The following TYW1B variants were observed in gnomAD, a reference collection of about 807,000 sequenced individuals.
TYW1B encodes tRNA-yW synthesizing protein 1 homolog B, also known as S-adenosyl-L-methionine-dependent tRNA 4-demethylwyosine synthase TYW1B.
In TYW1B, 73 loss-of-function variants were observed where a neutral mutation model predicts 86.9. The observed-to-expected ratio is 0.84, with a 90% CI of 0.70 to 1.02. TYW1B has a LOEUF of 1.02. Ranked by LOEUF, TYW1B falls within the 50% of genes least tolerant of loss-of-function variation. The probability of loss-of-function intolerance (pLI) is 0.00; values close to 1 mark genes in which losing one functional copy is unlikely to be tolerated. For synonymous variants in TYW1B, 248 were observed against 292.8 expected (o/e 0.85, Z 1.56); for missense variants, 637 against 827.4 (o/e 0.77, Z 2.82).
chr7:72,674,008 C>G (rs1346659027), intron 11 of TYW1B, among the ~76,000 whole-genome samples: 9 of 151,988 alleles, frequency 5.9e-5, no homozygotes, highest in African/African-American at 2.2e-4. Context: ...AGCAGAGAAA[C>G]CAGGAGGACT....
At chr7:72,752,537 T>C (rs1554465281) in intron 7 of TYW1B, among the ~76,000 whole-genome samples, 1 of 151,930 alleles carries the variant, frequency 6.6e-6, no homozygotes, top group Non-Finnish European at 1.5e-5. Flanking sequence ...TCGAGACCAC[T>C]CTGGCCAACA....
At chr7:72,737,787 C>CTTTT (rs34001923) in intron 8 of TYW1B, among the ~76,000 whole-genome samples, 5 of 138,862 alleles carry the variant, frequency 3.6e-5, no homozygotes, top group Non-Finnish European at 4.6e-5. Flanking sequence ...CATTTTACTT[C>CTTTT]TTTTTTTTTT....
At chr7:72,625,896 C>CA (rs1265783722) in intron 12 of TYW1B, among the ~76,000 whole-genome samples, 1 of 71,378 alleles carries the variant, frequency 1.4e-5, no homozygotes, top group African/African-American at 5.4e-5. Flanking sequence ...AGAGGTGGGG[C>CA]GGGGGGGGGG....
chr7:72,757,306 T>G (rs1253606061), intron 7 of TYW1B, among the ~76,000 whole-genome samples: 3 of 149,100 alleles, frequency 2.0e-5, no homozygotes, highest in African/African-American at 5.0e-5. Flanking sequence ...AGGCGGAGGT[T>G]GCAGTGAGCC....
chr7:72,628,474 T>C (rs1465111196), intron 12 of TYW1B, among the ~76,000 whole-genome samples: 2 of 152,174 alleles, frequency 1.3e-5, no homozygotes, highest in East Asian at 1.9e-4. Context: ...TTGATCATTT[T>C]TGAAGGTGAG....
At chr7:72,772,567 T>A (rs1210060259) in intron 7 of TYW1B, among the ~76,000 whole-genome samples, 6 of 152,038 alleles carry the variant, frequency 3.9e-5, no homozygotes, top group Non-Finnish European at 5.9e-5. Flanking sequence ...TCATTTCAAA[T>A]TTTTGAGCTA....
chr7:72,774,852 A>G (rs1227060226), intron 7 of TYW1B, among the ~76,000 whole-genome samples: 3 of 152,158 alleles, frequency 2.0e-5, no homozygotes, highest in African/African-American at 4.8e-5. Flanking sequence ...TGAATGAGGG[A>G]AAAAAATCCA....
At chr7:72,694,992 C>T (rs1164261530) in intron 10 of TYW1B, among the ~76,000 whole-genome samples, 170 bp from the exon 11 acceptor site, 3 of 152,146 alleles carry the variant, frequency 2.0e-5, no homozygotes, top group African/African-American at 4.8e-5. Flanking sequence ...CAAAATGGGA[C>T]GGCCTCTGGT....
chr7:72,795,522 G>A (rs1213613809), intron 6 of TYW1B, among the ~76,000 whole-genome samples: 2 of 152,148 alleles, frequency 1.3e-5, no homozygotes, highest in Non-Finnish European at 2.9e-5. Context: ...AAACTACAGA[G>A]ATGATGTGTA....
At chr7:72,590,532 T>TA (rs1299441730) in intron 13 of TYW1B, among the ~76,000 whole-genome samples, 3 of 152,034 alleles carry the variant, frequency 2.0e-5, no homozygotes, top group Non-Finnish European at 4.4e-5. Flanking sequence ...ACTAAGACAT[T>TA]AAAAAATAAA....
chr7:72,752,605 C>T (rs868917525), intron 7 of TYW1B, among the ~76,000 whole-genome samples: 3 of 152,100 alleles, frequency 2.0e-5, no homozygotes, highest in Admixed American at 1.3e-4. Flanking sequence ...GTGGCAGGAG[C>T]GTGTAATCCC....
chr7:72,739,652 T>C (rs1787267884), intron 8 of TYW1B, among the ~76,000 whole-genome samples: 1 of 146,300 alleles, frequency 6.8e-6, no homozygotes, highest in South Asian at 2.2e-4. Context: ...AAGGTCTCAG[T>C]AGGTACATGA....
chr7:72,672,477 C>CACACACACACACACACAA lies in TYW1B; in HGVS notation c.1506+22209_1506+22210insTTGTGTGTGTGTGTGTGT, dbSNP rs1813631366. Among the ~76,000 whole-genome samples the CACACACACACACACACAA allele has an allele frequency of 3.5e-5, 5 of 144,316 alleles. No individual in the cohort carries two copies. In the East Asian group the frequency reaches 8.0e-4, roughly 23 times the overall value. The allele number at this position is 144,316 out of a possible 152,430, so 94.7% of individuals were successfully genotyped here. ...TTATTTGGGCATACACACACAAACA[C>CACACACACACACACACAA]ACACACACACACACACACACACACA... is the stretch of plus-strand genomic sequence containing the variant. On this transcript the variant is annotated intron_variant, in intron 11 of 13. Coordinates refer to ENST00000620995, the MANE Select transcript of TYW1B (RefSeq NM_001145440.3).
chr7:72,724,956 C>A (rs13307321), intron 9 of TYW1B, among the ~76,000 whole-genome samples: 3 of 152,090 alleles, frequency 2.0e-5, no homozygotes, highest in Non-Finnish European at 4.4e-5. Context: ...TCAAGAGAAT[C>A]TAAATTTTAA....
chr7:72,601,745 C>A (rs1585838551), intron 13 of TYW1B, among the ~76,000 whole-genome samples: 1 of 126,138 alleles, frequency 7.9e-6, no homozygotes, highest in Non-Finnish European at 1.6e-5. Context: ...ATGCATATTG[C>A]TAAGTGAAAA....
rs1473162977 is a variant in TYW1B at position 72,810,417 on chromosome 7, T to C, written c.432+54A>G. ...TTGTGTGTGTGTACGTGTGTGTGCG[T>C]GTGTGTGTGTGTTTATGGGGAGAAT... is the stretch of plus-strand genomic sequence containing the variant. On this transcript the variant is annotated intron_variant, in intron 4 of 13. Coordinates refer to ENST00000620995, the MANE Select transcript of TYW1B (RefSeq NM_001145440.3). 9 of 1,444,262 alleles carry C rather than the reference T, an allele frequency of 6.2e-6. No individual in the cohort carries two copies. The South Asian group carries it at 8.6e-5, about 14-fold the overall frequency. 89.5% of individuals were successfully genotyped at this position (1,444,262 alleles called of 1,614,324 possible). A position where few individuals can be genotyped will look rare whatever the true frequency, so the allele number is the denominator to read the frequency against.
intron 4 of TYW1B, among the ~76,000 whole-genome samples, chr7:72,809,605 T>C (rs1380216262): frequency 6.6e-6 from 1 of 152,038 alleles, no homozygotes; most frequent in African/African-American, 2.4e-5. Flanking sequence ...AGAATGCTGA[T>C]CAGGTCACTG....
intron 7 of TYW1B, among the ~76,000 whole-genome samples, chr7:72,772,369 C>A (rs1462657984): frequency 4.6e-5 from 7 of 151,872 alleles, no homozygotes; most frequent in Non-Finnish European, 1.5e-5. Context: ...GTATGCTGGG[C>A]CATAAAACAA....
chr7:72,577,424 GT>G (rs1379263846), intron 13 of TYW1B, among the ~76,000 whole-genome samples: 12 of 152,282 alleles, frequency 7.9e-5, no homozygotes, highest in African/African-American at 2.9e-4. Flanking sequence ...AACCCAAGAT[GT>G]AAAATTTATA....
Sources: allele counts gnomAD v4.1 joint callset (sites outside exome capture counted in the v4.1 genomes callset), GRCh38; gene constraint gnomAD v4.1.1; transcripts MANE v1.5; gene names NCBI Gene and HGNC (gene_info 2026-07-23, HGNC 2026-07-21).